Variants in CTIF observed in about 807,000 individuals in gnomAD.
The protein encoded by CTIF is CBP80/20-dependent translation initiation factor.
Under a neutral mutation model 66.0 loss-of-function variants are expected in CTIF, and 21 were observed. The ratio of observed to expected loss-of-function variants is 0.32; its 90% CI spans 0.23 to 0.46. The LOEUF (loss-of-function observed/expected upper bound fraction) is 0.46. Ranked by LOEUF, CTIF falls within the 20% of genes least tolerant of loss-of-function variation. The pLI, the probability that CTIF is intolerant of heterozygous loss-of-function variation, is 1.00. For missense variants in CTIF, 739 were observed against 812.7 expected (o/e 0.91, Z 1.10); for synonymous variants, 345 against 326.4 (o/e 1.06, Z -0.62).
intron 1 of CTIF, among the ~76,000 whole-genome samples, chr18:48,555,820 G>T (rs2089006430): frequency 6.6e-6 from 1 of 152,144 alleles, no homozygotes; most frequent in Non-Finnish European, 1.5e-5. Flanking sequence ...CTCTTGGTAT[G>T]TGTGTGTGAC....
intron 9 of CTIF, among the ~76,000 whole-genome samples, chr18:48,765,533 G>A (rs888048968): frequency 2.6e-5 from 4 of 152,260 alleles, no homozygotes; most frequent in African/African-American, 9.6e-5. Flanking sequence ...TCAGTGATGG[G>A]AGCCGGCAGC....
chr18:48,652,295 A>C lies in CTIF; in HGVS notation c.253-11457A>C, dbSNP rs573488655. Among the ~76,000 whole-genome samples the C allele has an allele frequency of 9.2e-5, 14 of 152,376 alleles. 1 individual carries two copies. The highest frequency in any genetic ancestry group is 3.1e-4 in the African/African-American group (13 of 41,590). On this transcript the variant is annotated intron_variant, in intron 3 of 11. Coordinates refer to ENST00000256413, the MANE Select transcript of CTIF (RefSeq NM_014772.3). ...AAATAGATGCAATAAAAAATGATAA[A>C]GGGGATATCACCACTGATCCCACAG...
intron 9 of CTIF, among the ~76,000 whole-genome samples, chr18:48,763,089 G>A (rs553704397): frequency 4.9e-4 from 74 of 152,354 alleles, no homozygotes; most frequent in Middle Eastern, 6.8e-3. Context: ...TCCTGGGAGC[G>A]TGTGGAGAGT....
chr18:48,692,323 CAAAAAACAA>C (rs1361212335), intron 6 of CTIF, among the ~76,000 whole-genome samples: 6 of 120,852 alleles, frequency 5.0e-5, no homozygotes, highest in African/African-American at 2.6e-4. Context: ...AAAAACAAAA[CAAAAAACAA>C]AAAACAAAAA....
intron 10 of CTIF, among the ~76,000 whole-genome samples, chr18:48,833,847 G>A (rs547146342): frequency 7.2e-5 from 11 of 152,326 alleles, no homozygotes; most frequent in African/African-American, 2.4e-4. Context: ...ACAGGCAAGA[G>A]GGAAGGTCTT....
intron 1 of CTIF, among the ~76,000 whole-genome samples, chr18:48,570,685 C>A (rs1457023678): frequency 1.3e-5 from 2 of 152,166 alleles, no homozygotes; most frequent in African/African-American, 2.4e-5. Flanking sequence ...AGGGGAGTTA[C>A]TGTGGCCAAG....
intron 3 of CTIF, among the ~76,000 whole-genome samples, chr18:48,659,894 A>AT (rs1302531529): frequency 3.3e-5 from 5 of 152,292 alleles, no homozygotes; most frequent in Non-Finnish European, 2.9e-5. Flanking sequence ...GTTTCTTGTC[A>AT]TTTAAATATG....
Position 48,859,359 on chromosome 18 carries a change from C to T in CTIF, c.1597C>T (p.Arg533Trp), listed in dbSNP as rs764416437. Reference sequence around the variant, plus strand: ...CTGTCTGCAGCTGCAGAGTACAGGCCGGCTGCTGGAGGAACAGCTGCCTGA... The same window carrying T: ...CTGTCTGCAGCTGCAGAGTACAGGCTGGCTGCTGGAGGAACAGCTGCCTGA... Reference protein sequence around the residue: ...CCSMELQSTGRLLEEQLPEMM... With the variant: ...CCSMELQSTGWLLEEQLPEMM... The change falls in exon 12 of 12, where the codon CGG becomes TGG. Residue 533 changes from arginine (R) to tryptophan (W), a missense_variant. Coordinates refer to ENST00000256413, the MANE Select transcript of CTIF (RefSeq NM_014772.3). 7.4e-6 allele frequency: 12 copies of T among 1,613,920 alleles called. No individual in the cohort carries two copies. Among genetic ancestry groups the T allele is most frequent in the Non-Finnish European group, 1.0e-5 (12 of 1,180,006 alleles).
intron 7 of CTIF, among the ~76,000 whole-genome samples, chr18:48,738,510 A>C: frequency 1.3e-5 from 2 of 151,160 alleles, no homozygotes; most frequent in Admixed American, 6.6e-5. Flanking sequence ...CAGAAGTTCC[A>C]CCTCGGGGAC....
At chr18:48,628,389 A>T (rs1014166059) in intron 2 of CTIF, among the ~76,000 whole-genome samples, 1 of 152,104 alleles carries the variant, frequency 6.6e-6, no homozygotes, top group Non-Finnish European at 1.5e-5. Flanking sequence ...AGTTGGGGAG[A>T]TGAGGAGGAA....
rs1329552510 is a variant in CTIF at position 48,730,600 on chromosome 18, CTT to C, written c.584+18906_584+18907del. On this transcript the variant is annotated intron_variant, in intron 7 of 11. Coordinates refer to ENST00000256413, the MANE Select transcript of CTIF (RefSeq NM_014772.3). ...TGAGGGGCCCCTGTGGTGTGAGGGG[CTT>C]CTGCTGTGTGAGGGGCTCCTGCGGT... 3.0e-5 allele frequency among the ~76,000 whole-genome samples: 2 copies of C among 66,900 alleles called. 1 individual carries two copies. Among genetic ancestry groups the C allele is most frequent in the Non-Finnish European group, 6.5e-5 (2 of 30,602 alleles). The allele number at this position is 66,900 out of a possible 152,430, so 43.9% of individuals were successfully genotyped here. A position where few individuals can be genotyped will look rare whatever the true frequency, so the allele number is the denominator to read the frequency against.
At chr18:48,686,920 T>A (rs994885883) in intron 6 of CTIF, among the ~76,000 whole-genome samples, 1 of 152,182 alleles carries the variant, frequency 6.6e-6, no homozygotes, top group East Asian at 1.9e-4. Flanking sequence ...CTTTGCAAAG[T>A]TTGTTGAAAT....
chr18:48,681,275 T>TGA (rs776236147), intron 6 of CTIF, among the ~76,000 whole-genome samples: 170 of 152,326 alleles, frequency 1.1e-3, no homozygotes, highest in Non-Finnish European at 2.2e-3. Flanking sequence ...ACAGTGTGTG[T>TGA]GACACCGTCA....
In CTIF at chr18:48,621,999, G is replaced by C. The variant is rs147859386; in HGVS notation, c.180+2254G>C. Among the ~76,000 whole-genome samples the C allele has an allele frequency of 2.5e-3, 385 of 152,346 alleles. 1 individual carries two copies. The highest frequency in any genetic ancestry group is 3.3e-3 in the Non-Finnish European group (224 of 68,024). ...CTAAAATGGCTCCTGCAGCACAGCT[G>C]TGGTTTCTCTCCAGCGGCTTGCGGC... is the stretch of plus-strand genomic sequence containing the variant. On this transcript the variant is annotated intron_variant, in intron 2 of 11. Coordinates refer to ENST00000256413, the MANE Select transcript of CTIF (RefSeq NM_014772.3).
intron 9 of CTIF, among the ~76,000 whole-genome samples, chr18:48,784,598 G>A (rs1222002467): frequency 2.0e-5 from 3 of 152,096 alleles, no homozygotes; most frequent in African/African-American, 7.2e-5. Context: ...ATGGAGGAGG[G>A]CAGGATAAGG....
intron 6 of CTIF, 61 bp downstream of exon 6, chr18:48,670,805 C>T: frequency 7.1e-7 from 1 of 1,407,692 alleles, no homozygotes; most frequent in East Asian, 2.3e-5. Flanking sequence ...TGATCCTCTT[C>T]CTGGACAGGA....
chr18:48,848,322 T>G (rs1033351649), intron 10 of CTIF, among the ~76,000 whole-genome samples: 1 of 152,110 alleles, frequency 6.6e-6, no homozygotes, highest in Non-Finnish European at 1.5e-5. Context: ...GGCTTTGTTC[T>G]CCCGCCAATC....
chr18:48,548,660 G>C (rs2088812122), intron 1 of CTIF, among the ~76,000 whole-genome samples: 1 of 152,244 alleles, frequency 6.6e-6, no homozygotes, highest in Non-Finnish European at 1.5e-5. Context: ...AAGGCCAATA[G>C]TGAAGGTCAG....
At chr18:48,829,119 C>T (rs1057495985) in intron 10 of CTIF, among the ~76,000 whole-genome samples, 8 of 152,050 alleles carry the variant, frequency 5.3e-5, no homozygotes, top group African/African-American at 1.4e-4. Context: ...GTTTAATGGA[C>T]GGGACTGGGG....
Sources: allele counts gnomAD v4.1 joint callset (sites outside exome capture counted in the v4.1 genomes callset), GRCh38; gene constraint gnomAD v4.1.1; transcripts MANE v1.5; gene names NCBI Gene and HGNC (gene_info 2026-07-23, HGNC 2026-07-21).